NPNT: variants seen among roughly 807,000 people sequenced by gnomAD.
NPNT encodes nephronectin.
A neutral mutation model predicts 68.6 loss-of-function variants in NPNT; 45 were observed. That is an observed-to-expected ratio of 0.66 (90% CI 0.52 to 0.84). The LOEUF (loss-of-function observed/expected upper bound fraction) is 0.84, where lower values mean the gene tolerates loss of function less well. NPNT is among the 40% of genes least tolerant of loss of function. The probability of loss-of-function intolerance (pLI) is 0.00; values close to 1 mark genes in which losing one functional copy is unlikely to be tolerated. For synonymous variants in NPNT, 233 were observed against 253.3 expected (o/e 0.92, Z 0.76); for missense variants, 672 against 714.8 (o/e 0.94, Z 0.68).
At chr4:105,902,715 C>G (rs910041440) in intron 2 of NPNT, 3 of 152,106 alleles carry the variant, frequency 2.0e-5, no homozygotes, top group Admixed American at 2.0e-4. Context: ...ACATCATGTA[C>G]CTTTGGGTAA....
intron 2 of NPNT, among the ~76,000 whole-genome samples, chr4:105,920,544 G>A (rs1013135010): frequency 6.6e-6 from 1 of 151,636 alleles, no homozygotes; most frequent in East Asian, 1.9e-4. Flanking sequence ...CAAGTAAACT[G>A]AAAACAACAA....
chr4:105,952,709 C>T (rs909978074), intron 8 of NPNT, among the ~76,000 whole-genome samples: 2 of 152,124 alleles, frequency 1.3e-5, no homozygotes, highest in African/African-American at 4.8e-5. Context: ...TAAAAACTTC[C>T]ATTCTTTCTT....
chr4:105,954,916 A>G (rs1731099534), intron 8 of NPNT, among the ~76,000 whole-genome samples: 1 of 152,136 alleles, frequency 6.6e-6, no homozygotes, highest in South Asian at 2.1e-4. Flanking sequence ...CACTTCTAGA[A>G]TGTAGATCCC....
At chr4:105,966,613 A>G (rs1052969079) in intron 10 of NPNT, among the ~76,000 whole-genome samples, 1 of 152,018 alleles carries the variant, frequency 6.6e-6, no homozygotes, top group Non-Finnish European at 1.5e-5. Context: ...GATTTACACC[A>G]GTGTGAGAAG....
At chr4:105,958,613 A>G in intron 9 of NPNT, 56 bp downstream of exon 9, 1 of 1,000,832 alleles carries the variant, frequency 1.0e-6, no homozygotes, top group Non-Finnish European at 1.5e-6. Context: ...TCTCTCCATG[A>G]AAATAACTTT....
chr4:105,942,804 A>G (rs1730093702), intron 8 of NPNT, 102 bp downstream of exon 8: 1 of 1,120,616 alleles, frequency 8.9e-7, no homozygotes, highest in African/African-American at 1.6e-5. Flanking sequence ...AAGAAGAACT[A>G]GCTATGTAAA....
chr4:105,937,470 G>C (rs978772347), intron 4 of NPNT, among the ~76,000 whole-genome samples: 17 of 138,666 alleles, frequency 1.2e-4, no homozygotes, highest in Admixed American at 1.2e-3. Context: ...AAAAAAAAAA[G>C]AACACTACTG....
intron 2 of NPNT, among the ~76,000 whole-genome samples, chr4:105,914,466 A>T (rs1727634769): frequency 1.4e-5 from 2 of 139,428 alleles, no homozygotes; most frequent in African/African-American, 5.3e-5. Context: ...ATAATATATA[A>T]TATATTATAT....
At chr4:105,915,113 T>C (rs370595780) in intron 2 of NPNT, among the ~76,000 whole-genome samples, 9 of 152,246 alleles carry the variant, frequency 5.9e-5, no homozygotes, top group African/African-American at 1.9e-4. Context: ...ATATAAGGGT[T>C]GGTTCAAAAA....
chr4:105,909,814 G>A (rs1486360453), intron 2 of NPNT, among the ~76,000 whole-genome samples: 5 of 152,136 alleles, frequency 3.3e-5, no homozygotes, highest in African/African-American at 4.8e-5. Context: ...ATTGTGTCAG[G>A]GAGGACCTTT....
intron 2 of NPNT, among the ~76,000 whole-genome samples, chr4:105,898,909 T>C (rs758106897): frequency 6.6e-6 from 1 of 152,126 alleles, no homozygotes; most frequent in Non-Finnish European, 1.5e-5. Context: ...GGGGCACTTC[T>C]GGTAAGATGA....
chr4:105,933,404 G>T (rs759004316), intron 3 of NPNT, among the ~76,000 whole-genome samples: 2 of 152,106 alleles, frequency 1.3e-5, no homozygotes. Context: ...CCATTCATAG[G>T]TTTAAGAACT....
chr4:105,907,483 G>T (rs1726996743), intron 2 of NPNT, among the ~76,000 whole-genome samples: 1 of 152,116 alleles, frequency 6.6e-6, no homozygotes, highest in African/African-American at 2.4e-5. Context: ...GTATATCAAC[G>T]TGGCAGCGAG....
chr4:105,905,276 T>C (rs1444268648), intron 2 of NPNT, among the ~76,000 whole-genome samples: 1 of 152,170 alleles, frequency 6.6e-6, no homozygotes, highest in Non-Finnish European at 1.5e-5. Flanking sequence ...TTATTCCAAT[T>C]ATATACTTAA....
intron 2 of NPNT, among the ~76,000 whole-genome samples, chr4:105,924,215 A>C (rs1332864867): frequency 6.6e-6 from 1 of 152,094 alleles, no homozygotes; most frequent in Non-Finnish European, 1.5e-5. Flanking sequence ...AATATATTTT[A>C]GTTCCACAGC....
intron 2 of NPNT, among the ~76,000 whole-genome samples, chr4:105,899,801 ATTTTAT>A (rs1054480513): frequency 1.3e-5 from 2 of 152,088 alleles, no homozygotes; most frequent in Non-Finnish European, 2.9e-5. Flanking sequence ...CCTTCTGTGT[ATTTTAT>A]TTTTCCAGCA....
At chr4:105,958,390 C>T in intron 8 of NPNT, 81 bp from the exon 9 acceptor site, 1 of 703,844 alleles carries the variant, frequency 1.4e-6, no homozygotes, top group Non-Finnish European at 2.5e-6. Context: ...CCTTTTCCTC[C>T]TGCCCTTGTT....
At chr4:105,926,151 GCCT>G (rs1728663019) in intron 2 of NPNT, among the ~76,000 whole-genome samples, 1 of 152,062 alleles carries the variant, frequency 6.6e-6, no homozygotes, top group Non-Finnish European at 1.5e-5. Context: ...TTCAACATAA[GCCT>G]CCTCTATGAG....
At chr4:105,895,867 A>G in intron 1 of NPNT, 144 bp downstream of exon 1, 1 of 725,460 alleles carries the variant, frequency 1.4e-6, no homozygotes, top group Non-Finnish European at 2.3e-6. Context: ...GCGTGGCGCG[A>G]GGAGAGCGGT....
Sources: gnomAD v4.1 joint callset for allele counts (sites outside exome capture counted in the v4.1 genomes callset) on GRCh38, gnomAD v4.1.1 for gene constraint, MANE v1.5 for transcripts, NCBI Gene and HGNC (gene_info 2026-07-23, HGNC 2026-07-21) for gene names.